RPL5: variants seen among roughly 807,000 people sequenced by gnomAD.
RPL5 encodes the protein large ribosomal subunit protein uL18.
A neutral mutation model predicts 38.4 loss-of-function variants in RPL5; 1 was observed. The ratio of observed to expected loss-of-function variants is 0.03; its 90% CI spans 0.01 to 0.12. The LOEUF is 0.12. RPL5 is among the 10% of genes least tolerant of loss of function. The pLI is 1.00. For missense variants in RPL5, 243 were observed against 374.1 expected (o/e 0.65, Z 2.89); for synonymous variants, 109 against 121.2 (o/e 0.90, Z 0.66).
Position 92,834,818 on chromosome 1 carries a change from G to C in RPL5, c.229G>C (p.Ala77Pro). 1 of 1,612,684 alleles carries C rather than the reference G, an allele frequency of 6.2e-7. No individual in the cohort carries two copies. The highest frequency in any genetic ancestry group is 8.5e-7 in the Non-Finnish European group (1 of 1,179,910). ...TATAGAGGGGGATATGATAGTCTGC[G>C]CAGCGTATGCACACGAACTGCCAAA... ...ARIEGDMIVC[A>P]AYAHELPKYG... The change falls in exon 4 of 8, where the codon GCA (alanine) becomes CCA (proline). Residue 77 changes from alanine (A) to proline (P), a missense_variant. Transcript: ENST00000370321.
chr1:92,836,769 G>A (rs1184169767), intron 5 of RPL5: 1 of 220,308 alleles, frequency 4.5e-6, no homozygotes, highest in African/African-American at 2.3e-5. Flanking sequence ...GTGGATCCTA[G>A]AATTTTATAA....
At chr1:92,834,517 G>C (rs775758912) in intron 3 of RPL5, among the ~76,000 whole-genome samples, 1 of 152,192 alleles carries the variant, frequency 6.6e-6, no homozygotes, top group African/African-American at 2.4e-5. Flanking sequence ...CCGTACCCAA[G>C]TTCAGATAAC....
rs775952185 is a variant in RPL5, at chr1:92,834,858, T to C, written c.269T>C (p.Val90Ala). The stretch of plus-strand genomic sequence containing the variant: ...GAACTGCCAAAATATGGTGTGAAGG[T>C]TGGCCTGACAAATTATGCTGCAGCA... The part of the protein sequence containing the change: ...AHELPKYGVK[V>A]GLTNYAAAYC... The change falls in exon 4 of 8, where the codon GTT (valine) becomes GCT (alanine). Residue 90 changes from valine (V) to alanine (A), a missense_variant. By Grantham distance (64) the Val-to-Ala change is moderately conservative. Coordinates refer to ENST00000370321, the MANE Select transcript of RPL5 (RefSeq NM_000969.5). The C allele has an allele frequency of 2.1e-5, 33 of 1,607,102 alleles. No individual in the cohort carries two copies. Among genetic ancestry groups the C allele is most frequent in the African/African-American group, 2.7e-5 (2 of 74,944 alleles).
Position 92,841,754 on chromosome 1 carries a change from T to TATC in RPL5, c.795-11_795-9dup. On this transcript the variant is annotated splice_polypyrimidine_tract_variant and intron_variant, in intron 7 of 7. Coordinates refer to ENST00000370321, the MANE Select transcript of RPL5 (RefSeq NM_000969.5). ...TTATAGTTTAAAAAATATATATTCC[T>TATC]ATCTTTTGTAGGTGGAACCGTCCCA... 1 of 1,586,218 alleles carries TATC rather than the reference T, an allele frequency of 6.3e-7. No individual in the cohort carries two copies. The highest frequency in any genetic ancestry group is 1.1e-5 in the South Asian group (1 of 90,218).
intron 6 of RPL5, among the ~76,000 whole-genome samples, chr1:92,840,008 ATTTT>A (rs111307161): frequency 1.4e-5 from 2 of 138,304 alleles, no homozygotes; most frequent in Non-Finnish European, 3.2e-5. Flanking sequence ...TGCCCTGCTA[ATTTT>A]TTTTTTTTTT....
intron 3 of RPL5, chr1:92,833,892 G>GCCC (rs1687014045): frequency 1.9e-6 from 1 of 530,208 alleles, no homozygotes; most frequent in Non-Finnish European, 3.4e-6. Context: ...GATTGCTTGA[G>GCCC]CCCAGGAGTT....
At chr1:92,838,002 A>G (rs756731030) in intron 6 of RPL5, among the ~76,000 whole-genome samples, 2 of 152,238 alleles carry the variant, frequency 1.3e-5, no homozygotes, top group Non-Finnish European at 2.9e-5. Context: ...TATCTCAGAC[A>G]TGTACACAGG....
At chr1:92,833,218 T>G (rs1686981107) in intron 1 of RPL5, 171 bp from the exon 2 acceptor site, 10 of 656,144 alleles carry the variant, frequency 1.5e-5, no homozygotes, top group Admixed American at 7.9e-5. Context: ...ACATGGAAGG[T>G]AGAGGAAAAA....
At chr1:92,835,098 C>T (rs1687065648) in intron 4 of RPL5, 185 bp downstream of exon 4, 1 of 793,514 alleles carries the variant, frequency 1.3e-6, no homozygotes, top group Non-Finnish European at 2.0e-6. Context: ...TCTGCAATGA[C>T]ACAAATCTGT....
intron 1 of RPL5, chr1:92,833,129 C>A: frequency 1.5e-6 from 1 of 674,422 alleles, no homozygotes; most frequent in Admixed American, 2.4e-5. Context: ...TAAATTGGGG[C>A]CTGCATTTTG....
chr1:92,839,857 T>C (rs1687282042), intron 6 of RPL5, among the ~76,000 whole-genome samples: 1 of 152,126 alleles, frequency 6.6e-6, no homozygotes, highest in African/African-American at 2.4e-5. Flanking sequence ...CTTTTTTTTT[T>C]TGAGGCAGGA....
chr1:92,840,545 T>A lies in RPL5; in HGVS notation c.706-6T>A. 1 of 1,609,858 alleles carries A rather than the reference T, an allele frequency of 6.2e-7. No individual in the cohort carries two copies. The highest frequency in any genetic ancestry group is 8.5e-7 in the Non-Finnish European group (1 of 1,177,114). On this transcript the variant is annotated splice_polypyrimidine_tract_variant and splice_region_variant and intron_variant, in intron 6 of 7. Transcript: ENST00000370321. Reference sequence around the variant, plus strand: ...ACCAAGTACTGTTTGCTTTCCTTTGTTTCAGATGGAGGAGATGTATAAGAA... The same window carrying A: ...ACCAAGTACTGTTTGCTTTCCTTTGATTCAGATGGAGGAGATGTATAAGAA...
In RPL5 at chr1:92,836,380, C is replaced by T; in HGVS notation, c.515C>T (p.Ser172Phe). 1 of 1,614,124 alleles carries T rather than the reference C, an allele frequency of 6.2e-7. No homozygotes were observed. The highest frequency in any genetic ancestry group is 8.5e-7 in the Non-Finnish European group (1 of 1,179,974). Residue 172 changes from serine to phenylalanine, a missense_variant, in exon 5 of 8, where the codon TCT becomes TTT. Transcript: ENST00000370321. ...ALKGAVDGGL[S>F]IPHSTKRFPG... ...AAGGGAGCTGTGGATGGAGGCTTGT[C>T]TATCCCTCACAGGTAAGAATACTAT...
rs760302814 is a variant in RPL5 at position 92,840,629 on chromosome 1, A to G, written c.784A>G (p.Lys262Glu). 2 of 1,608,784 alleles carry G rather than the reference A, an allele frequency of 1.2e-6. No individual in the cohort carries two copies. The highest frequency in any genetic ancestry group is 3.3e-5 in the Admixed American group (2 of 59,952). ...VYEKKPKKEV[K>E]KKRWNRPKMS... ...TGAAAAGAAGCCCAAGAAAGAAGTT[A>G]AAAAGAAGAGGTATGTCGTCTTTTT... The change falls in exon 7 of 8, where the codon AAA (lysine) becomes GAA (glutamate). Residue 262 changes from lysine to glutamate, a missense_variant. Coordinates refer to ENST00000370321, the MANE Select transcript of RPL5 (RefSeq NM_000969.5).
rs1198185864 is a variant in RPL5, at chr1:92,833,456, G to A, written c.71G>A (p.Arg24Gln). ...TACCAAGTGAAATTTAGAAGACGAC[G>A]AGGTACTGTCACCTTTTTGTGTTTA... ...KRYQVKFRRR[R>Q]EGKTDYYARK... Residue 24 changes from arginine (R) to glutamine (Q), a missense_variant and splice_region_variant, in exon 2 of 8, where the codon CGA becomes CAA. By Grantham distance (43) the Arg-to-Gln change is conservative. Transcript: ENST00000370321. 1 of 1,613,928 alleles carries A rather than the reference G, an allele frequency of 6.2e-7. No individual in the cohort carries two copies. Among genetic ancestry groups the A allele is most frequent in the Non-Finnish European group, 8.5e-7 (1 of 1,179,854 alleles).
Position 92,833,757 on chromosome 1 carries a change from C to T in RPL5, c.189+97C>T. 5 of 939,476 alleles carry T rather than the reference C, an allele frequency of 5.3e-6. No homozygotes were observed. In the South Asian group the frequency reaches 5.4e-5, roughly 10 times the overall value. 58.2% of individuals were successfully genotyped at this position (939,476 alleles called of 1,614,324 possible). A position where few individuals can be genotyped will look rare whatever the true frequency, so the allele number is the denominator to read the frequency against. ...TGTGTGTGTTAGAAGGGCTGTCTAG[C>T]ACCTCCAAAAGCATCCAGTGAATAA... On this transcript the variant is annotated intron_variant, in intron 3 of 7. Coordinates refer to ENST00000370321, the MANE Select transcript of RPL5 (RefSeq NM_000969.5).
chr1:92,835,138 C>T (rs747261348), intron 4 of RPL5: 25 of 597,880 alleles, frequency 4.2e-5, no homozygotes, highest in Middle Eastern at 4.0e-4. Context: ...TTGCCACTAG[C>T]GACCTGCAGC....
intron 1 of RPL5, 57 bp from the exon 2 acceptor site, chr1:92,833,332 T>G (rs1370328095): frequency 7.3e-7 from 1 of 1,369,130 alleles, no homozygotes; most frequent in Non-Finnish European, 1.0e-6. Flanking sequence ...TTAATTTATG[T>G]CAAAAGTATC....
chr1:92,836,058 G>A (rs1687111706), intron 4 of RPL5, 132 bp from the exon 5 acceptor site: 2 of 790,954 alleles, frequency 2.5e-6, no homozygotes, highest in South Asian at 1.4e-5. Context: ...AGTGGATCTG[G>A]TGAAAGGGTG....
Sources: allele counts gnomAD v4.1 joint callset (sites outside exome capture counted in the v4.1 genomes callset), GRCh38; gene constraint gnomAD v4.1.1; transcripts MANE v1.5; gene names NCBI Gene and HGNC (gene_info 2026-07-23, HGNC 2026-07-21).